Variants in NPLOC4 observed in about 807,000 individuals in gnomAD.
NPLOC4 encodes nuclear protein localization protein 4 homolog.
In NPLOC4, 18 loss-of-function variants were observed where a neutral mutation model predicts 80.6. That is an observed-to-expected ratio of 0.22 (90% CI 0.15 to 0.33). The LOEUF is 0.33. Ranked by LOEUF, NPLOC4 falls within the 10% of genes least tolerant of loss-of-function variation. The probability of loss-of-function intolerance (pLI) is 1.00; values close to 1 mark genes in which losing one functional copy is unlikely to be tolerated. For synonymous variants in NPLOC4, 313 were observed against 301.5 expected (o/e 1.04, Z -0.39); for missense variants, 540 against 786.1 (o/e 0.69, Z 3.74).
intron 8 of NPLOC4, among the ~76,000 whole-genome samples, chr17:81,603,603 A>T (rs1011389210): frequency 1.3e-5 from 2 of 152,214 alleles, no homozygotes; most frequent in Non-Finnish European, 2.9e-5. Context: ...TCTAAAAAAT[A>T]AATAAATAAA....
chr17:81,600,936 G>C (rs2035043238), intron 8 of NPLOC4, among the ~76,000 whole-genome samples: 1 of 152,056 alleles, frequency 6.6e-6, no homozygotes, highest in South Asian at 2.1e-4. Context: ...TCAGTTACAG[G>C]GACACTATGA....
At chr17:81,586,514 G>C (rs758370557) in intron 12 of NPLOC4, among the ~76,000 whole-genome samples, 5 of 151,556 alleles carry the variant, frequency 3.3e-5, no homozygotes, top group African/African-American at 7.3e-5. Flanking sequence ...GGAGGCTGAG[G>C]CACAAGAATC....
chr17:81,560,417 AC>A (rs2033815235), intron 16 of NPLOC4: 2 of 148,350 alleles, frequency 1.3e-5, no homozygotes, highest in Admixed American at 1.3e-4. Context: ...CATCTCAAAA[AC>A]AAACAACAGG....
intron 12 of NPLOC4, 139 bp downstream of exon 12, chr17:81,588,805 G>A: frequency 1.4e-6 from 1 of 690,142 alleles, no homozygotes; most frequent in Non-Finnish European, 2.4e-6. Flanking sequence ...AAACGTGACA[G>A]AAGCCTTTAG....
At chr17:81,600,627 C>A (rs368019890) in intron 8 of NPLOC4, among the ~76,000 whole-genome samples, 200 bp from the exon 9 acceptor site, 1 of 152,244 alleles carries the variant, frequency 6.6e-6, no homozygotes, top group African/African-American at 2.4e-5. Flanking sequence ...CACCTTTTAC[C>A]AGGGCTGCAA....
intron 13 of NPLOC4, among the ~76,000 whole-genome samples, chr17:81,571,393 C>G (rs1325224329): frequency 1.3e-5 from 2 of 152,192 alleles, no homozygotes; most frequent in Non-Finnish European, 2.9e-5. Flanking sequence ...CCATAAAATG[C>G]CTCCAAAAAG....
chr17:81,621,068 G>T (rs1435553334), intron 3 of NPLOC4, among the ~76,000 whole-genome samples: 2 of 149,396 alleles, frequency 1.3e-5, no homozygotes, highest in Admixed American at 6.7e-5. Flanking sequence ...AGGAAGGAAG[G>T]AAGTATCAAG....
In NPLOC4 at chr17:81,559,065, C is replaced by T; in HGVS notation, c.*194G>A. 1 of 604,928 alleles carries T rather than the reference C, an allele frequency of 1.7e-6. No homozygotes were observed. Among genetic ancestry groups the T allele is most frequent in the Non-Finnish European group, 2.8e-6 (1 of 351,476 alleles). The allele number at this position is 604,928 out of a possible 1,614,324, so 37.5% of individuals were successfully genotyped here. A position where few individuals can be genotyped will look rare whatever the true frequency, so the allele number is the denominator to read the frequency against. ...GAGACTGCATTCAGCCTGCAGAATA[C>T]CAGCCGTGGCGCCCGCTCTCCAGGG... is the stretch of plus-strand genomic sequence containing the variant. On this transcript the variant is annotated 3_prime_UTR_variant, in exon 17 of 17. Transcript: ENST00000331134.
At chr17:81,561,140 GTA>G (rs2033838281) in intron 16 of NPLOC4, among the ~76,000 whole-genome samples, 2 of 152,126 alleles carry the variant, frequency 1.3e-5, no homozygotes. Flanking sequence ...TTTATTTTTA[GTA>G]GAGATGGGTT....
chr17:81,596,320 G>C, intron 10 of NPLOC4, 78 bp from the exon 11 acceptor site: 1 of 1,501,606 alleles, frequency 6.7e-7, no homozygotes, highest in East Asian at 2.3e-5. Flanking sequence ...TAAAAAATAA[G>C]AACTAAGCCA....
chr17:81,570,160 G>A (rs949792095), intron 13 of NPLOC4, among the ~76,000 whole-genome samples: 11 of 152,272 alleles, frequency 7.2e-5, no homozygotes, highest in African/African-American at 1.2e-4. Context: ...TCTCTGGCCT[G>A]AGCTGGCCCT....
At chr17:81,612,731 A>C (rs949503410) in intron 4 of NPLOC4, 4 of 103,608 alleles carry the variant, frequency 3.9e-5, no homozygotes, top group African/African-American at 9.0e-5. Context: ...AATCTAAAAT[A>C]AACAATGTAC....
intron 9 of NPLOC4, among the ~76,000 whole-genome samples, chr17:81,598,681 T>C (rs963397622): frequency 6.6e-6 from 1 of 152,156 alleles, no homozygotes. Context: ...GGCCCGCCTC[T>C]GCCTGTGAAT....
intron 12 of NPLOC4, among the ~76,000 whole-genome samples, chr17:81,574,292 T>G (rs554667100): frequency 4.6e-5 from 7 of 152,320 alleles, no homozygotes; most frequent in African/African-American, 1.4e-4. Flanking sequence ...CTCTCTTTTT[T>G]GTGTCATGCT....
intron 12 of NPLOC4, among the ~76,000 whole-genome samples, chr17:81,583,998 T>C (rs2034510068): frequency 6.6e-6 from 1 of 152,262 alleles, no homozygotes; most frequent in African/African-American, 2.4e-5. Flanking sequence ...AACCACATGC[T>C]ATCCCAGAGT....
rs920425238 is a variant in NPLOC4, at chr17:81,557,969, A to G, written c.*1290T>C. On this transcript the variant is annotated 3_prime_UTR_variant, in exon 17 of 17. Coordinates refer to ENST00000331134, the MANE Select transcript of NPLOC4 (RefSeq NM_017921.4). ...CGTGGGCTTACCCCCCAGGATGGAC[A>G]CAGAAGTCCCTAAGCAGTCTGCAGC... is the stretch of plus-strand genomic sequence containing the variant. 6.5e-6 allele frequency: 1 copy of G among 152,814 alleles called. No homozygotes were observed. Among genetic ancestry groups the G allele is most frequent in the African/African-American group, 2.4e-5 (1 of 41,470 alleles). The allele number at this position is 152,814 out of a possible 1,614,324, so 9.5% of individuals were successfully genotyped here.
At chr17:81,589,556 G>C (rs1024173908) in intron 11 of NPLOC4, among the ~76,000 whole-genome samples, 2 of 150,760 alleles carry the variant, frequency 1.3e-5, no homozygotes, top group African/African-American at 2.4e-5. Flanking sequence ...AAATTCAGTA[G>C]TCAACGGATG....
At chr17:81,604,968 A>G (rs2035160974) in intron 7 of NPLOC4, among the ~76,000 whole-genome samples, 1 of 152,156 alleles carries the variant, frequency 6.6e-6, no homozygotes, top group Admixed American at 6.5e-5. Context: ...ATCTTAAAAA[A>G]TAAACATCTG....
intron 11 of NPLOC4, among the ~76,000 whole-genome samples, chr17:81,590,507 T>G (rs2034710541): frequency 1.3e-5 from 2 of 152,172 alleles, no homozygotes. Context: ...TCATTATTTT[T>G]TAGGTATTTA....
Sources: allele counts gnomAD v4.1 joint callset (sites outside exome capture counted in the v4.1 genomes callset), GRCh38; gene constraint gnomAD v4.1.1; transcripts MANE v1.5; gene names NCBI Gene and HGNC (gene_info 2026-07-23, HGNC 2026-07-21).